The following TRPS1 variants were observed in gnomAD, a reference collection of about 807,000 sequenced individuals.
The protein encoded by TRPS1 is transcriptional repressor GATA binding 1.
TRPS1 carries 6 observed loss-of-function variants against 101.2 expected under a neutral mutation model. The ratio of observed to expected loss-of-function variants is 0.06; its 90% CI spans 0.03 to 0.12. The LOEUF (loss-of-function observed/expected upper bound fraction) is 0.12, where lower values mean the gene tolerates loss of function less well. Ranked by LOEUF, TRPS1 falls within the 10% of genes least tolerant of loss-of-function variation. The pLI is 1.00. For synonymous variants in TRPS1, 578 were observed against 589.8 expected, an observed-to-expected ratio of 0.98 and a Z score of 0.29; for missense variants, 1,363 against 1,567.0, an observed-to-expected ratio of 0.87 and a Z score of 2.20.
chr8:115,511,807 T>C (rs1164234062), intron 5 of TRPS1, among the ~76,000 whole-genome samples: 1 of 151,882 alleles, frequency 6.6e-6, no homozygotes, highest in East Asian at 1.9e-4. Context: ...ATCAAAAAGA[T>C]GGATAAGACA....
At chr8:115,445,464 T>C (rs1813708784) in intron 5 of TRPS1, among the ~76,000 whole-genome samples, 1 of 152,192 alleles carries the variant, frequency 6.6e-6, no homozygotes, top group Non-Finnish European at 1.5e-5. Flanking sequence ...TTACATTCCT[T>C]TTTAAGTTGG....
chr8:115,658,802 GAAT>G (rs1328342189), intron 1 of TRPS1, among the ~76,000 whole-genome samples: 1 of 151,972 alleles, frequency 6.6e-6, no homozygotes, highest in East Asian at 1.9e-4. Context: ...GTGTAATGTT[GAAT>G]AAAAATATGT....
intron 5 of TRPS1, among the ~76,000 whole-genome samples, chr8:115,502,556 C>A (rs1415199409): frequency 6.6e-6 from 1 of 152,118 alleles, no homozygotes; most frequent in Non-Finnish European, 1.5e-5. Flanking sequence ...CATGCAAACA[C>A]CAAAATCCAA....
chr8:115,608,897 G>A lies in TRPS1; in HGVS notation c.967-3895C>T, dbSNP rs554554812. On this transcript the variant is annotated intron_variant, in intron 3 of 6. Transcript: ENST00000395715. ...GTCTCAGTCTGTCACCCAGGCTGGA[G>A]TGCAATGTCACGATCTCCGCTCACT... Among the ~76,000 whole-genome samples, 37 of 147,470 alleles carry A rather than the reference G, an allele frequency of 2.5e-4. 1 individual carries two copies. Among genetic ancestry groups the A allele is most frequent in the African/African-American group, 9.7e-4 (36 of 36,996 alleles).
intron 1 of TRPS1, among the ~76,000 whole-genome samples, chr8:115,659,274 T>C (rs1462072217): frequency 6.6e-6 from 1 of 151,998 alleles, no homozygotes. Context: ...GTAAATTATT[T>C]TCTAAAACTT....
chr8:115,626,457 C>T (rs945120051), intron 1 of TRPS1, among the ~76,000 whole-genome samples: 10 of 151,728 alleles, frequency 6.6e-5, no homozygotes, highest in African/African-American at 2.4e-4. Flanking sequence ...GGCAATACTT[C>T]AATGGTAGAT....
intron 5 of TRPS1, among the ~76,000 whole-genome samples, chr8:115,583,786 A>C (rs1250976122): frequency 2.0e-5 from 3 of 152,030 alleles, no homozygotes; most frequent in Non-Finnish European, 4.4e-5. Flanking sequence ...TTTTTATATC[A>C]AGATCAATTC....
Position 115,433,191 on chromosome 8 carries a change from C to T in TRPS1, c.2701-14739G>A, listed in dbSNP as rs189973262. 1.0e-3 allele frequency among the ~76,000 whole-genome samples: 153 copies of T among 151,968 alleles called. 1 individual carries two copies. In the East Asian group the frequency reaches 0.023, roughly 23 times the overall value. On this transcript the variant is annotated intron_variant, in intron 5 of 6. Coordinates refer to ENST00000395715, the MANE Select transcript of TRPS1 (RefSeq NM_014112.5). The stretch of plus-strand genomic sequence containing the variant: ...ATTTGAATGTTCTGATTTTTAAACT[C>T]CCAATCACAGAGTGGATGCCATTAT...
chr8:115,453,167 C>T (rs1563741691), intron 5 of TRPS1, among the ~76,000 whole-genome samples: 1 of 151,948 alleles, frequency 6.6e-6, no homozygotes, highest in Non-Finnish European at 1.5e-5. Flanking sequence ...ATTACAGATG[C>T]CCACCACCAC....
At chr8:115,619,033 C>G in intron 3 of TRPS1, 99 bp downstream of exon 3, 1 of 1,300,946 alleles carries the variant, frequency 7.7e-7, no homozygotes, top group Non-Finnish European at 1.1e-6. Context: ...AGCAGGCTAC[C>G]TGTCTGGTAC....
intron 3 of TRPS1, among the ~76,000 whole-genome samples, 154 bp from the exon 4 acceptor site, chr8:115,605,156 A>G (rs1013800409): frequency 1.3e-5 from 2 of 152,212 alleles, no homozygotes; most frequent in African/African-American, 2.4e-5. Context: ...TCAGAGCCAA[A>G]TAAATTCACT....
chr8:115,569,927 T>G (rs541150740), intron 5 of TRPS1, among the ~76,000 whole-genome samples: 3 of 152,010 alleles, frequency 2.0e-5, no homozygotes, highest in African/African-American at 7.2e-5. Flanking sequence ...AAAGAAGGTA[T>G]ATAAAAAATA....
intron 4 of TRPS1, among the ~76,000 whole-genome samples, chr8:115,603,243 T>TCCCACATCCATTACA (rs1817949828): frequency 6.6e-6 from 1 of 152,192 alleles, no homozygotes; most frequent in Non-Finnish European, 1.5e-5. Flanking sequence ...AAACACAAAC[T>TCCCACATCCATTACA]TCCCACATCC....
chr8:115,620,240 T>C (rs541256321), intron 2 of TRPS1, among the ~76,000 whole-genome samples, 180 bp from the exon 3 acceptor site: 2 of 152,176 alleles, frequency 1.3e-5, no homozygotes, highest in South Asian at 4.2e-4. Context: ...ACAAACAATT[T>C]ACATTTAGAA....
intron 5 of TRPS1, among the ~76,000 whole-genome samples, chr8:115,435,290 A>T (rs1224137894): frequency 6.6e-6 from 1 of 152,198 alleles, no homozygotes; most frequent in Non-Finnish European, 1.5e-5. Context: ...ACTTAATCAG[A>T]GTAATGTTGA....
At chr8:115,426,315 A>G (rs921025837) in intron 5 of TRPS1, among the ~76,000 whole-genome samples, 3 of 152,078 alleles carry the variant, frequency 2.0e-5, no homozygotes, top group African/African-American at 7.2e-5. Flanking sequence ...TATATAATAT[A>G]TTTAATAAGC....
At chr8:115,558,260 A>G (rs1816870669) in intron 5 of TRPS1, among the ~76,000 whole-genome samples, 1 of 152,312 alleles carries the variant, frequency 6.6e-6, no homozygotes, top group East Asian at 1.9e-4. Flanking sequence ...TAATAAAGAT[A>G]GTTGTAATTT....
At chr8:115,469,111 A>C (rs113208370) in intron 5 of TRPS1, among the ~76,000 whole-genome samples, 3 of 152,182 alleles carry the variant, frequency 2.0e-5, no homozygotes, top group African/African-American at 4.8e-5. Flanking sequence ...ACTGCATTCC[A>C]GTCTGGGTGA....
chr8:115,611,353 T>C (rs541223188), intron 3 of TRPS1, among the ~76,000 whole-genome samples: 8 of 152,242 alleles, frequency 5.3e-5, no homozygotes, highest in Admixed American at 3.3e-4. Flanking sequence ...TCCGAAAATA[T>C]AGAACATCCT....
Sources: allele counts gnomAD v4.1 joint callset (sites outside exome capture counted in the v4.1 genomes callset), GRCh38; gene constraint gnomAD v4.1.1; transcripts MANE v1.5; gene names NCBI Gene and HGNC (gene_info 2026-07-23, HGNC 2026-07-21).